The following NUAK1 variants were observed in gnomAD, a reference collection of about 807,000 sequenced individuals.
NUAK1 encodes NUAK family kinase 1.
A neutral mutation model predicts 56.9 loss-of-function variants in NUAK1; 26 were observed. That is an observed-to-expected ratio of 0.46 (90% CI 0.33 to 0.63). NUAK1 has a LOEUF of 0.63. Ranked by LOEUF, NUAK1 falls within the 30% of genes least tolerant of loss-of-function variation. The probability of loss-of-function intolerance (pLI) is 0.02; values close to 1 mark genes in which losing one functional copy is unlikely to be tolerated. For missense variants in NUAK1, 727 were observed against 876.1 expected (o/e 0.83, Z 2.15); for synonymous variants, 337 against 336.0 (o/e 1.00, Z -0.03).
intron 1 of NUAK1, among the ~76,000 whole-genome samples, chr12:106,129,280 T>C (rs2033054311): frequency 6.6e-6 from 1 of 152,242 alleles, no homozygotes; most frequent in Non-Finnish European, 1.5e-5. Flanking sequence ...GGGCCTTCCC[T>C]GCTGACTCCC....
At chr12:106,118,783 T>C (rs551550603) in intron 1 of NUAK1, among the ~76,000 whole-genome samples, 59 of 152,310 alleles carry the variant, frequency 3.9e-4, no homozygotes, top group African/African-American at 1.4e-3. Context: ...TCCCAAAAAC[T>C]CTTACATTTG....
intron 2 of NUAK1, among the ~76,000 whole-genome samples, chr12:106,102,811 T>G (rs2032762079): frequency 6.6e-6 from 1 of 152,200 alleles, no homozygotes; most frequent in African/African-American, 2.4e-5. Flanking sequence ...TAGGTCACAG[T>G]GGAGGACTGG....
intron 4 of NUAK1, among the ~76,000 whole-genome samples, chr12:106,082,260 T>A: frequency 6.6e-6 from 1 of 152,288 alleles, no homozygotes; most frequent in South Asian, 2.1e-4. Flanking sequence ...ATGAGGAAAC[T>A]AAAGCCTAAA....
chr12:106,129,829 T>A (rs1402328159), intron 1 of NUAK1, among the ~76,000 whole-genome samples: 3 of 152,192 alleles, frequency 2.0e-5, no homozygotes, highest in African/African-American at 7.2e-5. Flanking sequence ...GTAGGATACT[T>A]CATAGCTGCA....
chr12:106,120,055 C>T (rs1282945978), intron 1 of NUAK1, among the ~76,000 whole-genome samples: 1 of 152,176 alleles, frequency 6.6e-6, no homozygotes, highest in African/African-American at 2.4e-5. Context: ...GATTAACCAG[C>T]GTTCTCCATT....
rs545239932 is a variant in NUAK1, at chr12:106,138,896, G to A, written c.-243C>T. The A allele has an allele frequency of 2.7e-5, 11 of 414,574 alleles. No individual in the cohort carries two copies. The South Asian group carries it at 8.8e-4, about 33-fold the overall frequency. 25.7% of individuals were successfully genotyped at this position (414,574 alleles called of 1,614,324 possible). The stretch of plus-strand genomic sequence containing the variant: ...GCCGCGGCGAGCTGTGGAGCGTCGG[G>A]CGAGGTGGCGGCGGTGGCAGGGGAG... On this transcript the variant is annotated 5_prime_UTR_variant, in exon 1 of 7. Transcript: ENST00000261402. The surrounding 1 kb of genome is among the most constrained non-coding windows in gnomAD (Gnocchi z 5.0).
At chr12:106,086,088 C>T (rs2032568011) in intron 3 of NUAK1, among the ~76,000 whole-genome samples, 1 of 152,102 alleles carries the variant, frequency 6.6e-6, no homozygotes, top group Non-Finnish European at 1.5e-5. Context: ...AACATTTCTC[C>T]TAGTAATTCT....
In NUAK1 at chr12:106,065,483, C is replaced by CA. The variant is rs1160413040; in HGVS notation, c.*1318dup. The stretch of plus-strand genomic sequence containing the variant: ...AAATGAATGGAACTTTCTCTTCCCC[C>CA]AAAGCCCAGGAGTTCATGGCAAAGT... On this transcript the variant is annotated 3_prime_UTR_variant, in exon 7 of 7. Coordinates refer to ENST00000261402, the MANE Select transcript of NUAK1 (RefSeq NM_014840.3). 6.6e-6 allele frequency: 1 copy of CA among 152,132 alleles called. No homozygotes were observed. Among genetic ancestry groups the CA allele is most frequent in the East Asian group, 1.9e-4 (1 of 5,190 alleles). 9.4% of individuals were successfully genotyped at this position (152,132 alleles called of 1,614,324 possible).
chr12:106,113,196 G>A lies in NUAK1; in HGVS notation c.241-6671C>T, dbSNP rs116311525. 2.8e-3 allele frequency among the ~76,000 whole-genome samples: 424 copies of A among 152,212 alleles called. 2 individuals are homozygous for A. The highest frequency in any genetic ancestry group is 9.8e-3 in the African/African-American group (405 of 41,520). ...CAAGTGGTGATGCCACAAGGGAAGT[G>A]GAATTAATGACTAAGAAACCGTGGG... On this transcript the variant is annotated intron_variant, in intron 1 of 6. Transcript: ENST00000261402.
At chr12:106,097,426 T>C (rs1016677376) in intron 2 of NUAK1, among the ~76,000 whole-genome samples, 5 of 152,240 alleles carry the variant, frequency 3.3e-5, no homozygotes, top group Non-Finnish European at 5.9e-5. Context: ...ACATGAATGA[T>C]TCAATGACTA....
chr12:106,130,106 C>T (rs931115447), intron 1 of NUAK1, among the ~76,000 whole-genome samples: 9 of 152,122 alleles, frequency 5.9e-5, no homozygotes, highest in African/African-American at 2.2e-4. Context: ...CTCAGCCTCC[C>T]GAGTAGCTGG....
At chr12:106,081,601 C>T (rs569347108) in intron 4 of NUAK1, among the ~76,000 whole-genome samples, 1 of 152,200 alleles carries the variant, frequency 6.6e-6, no homozygotes, top group Non-Finnish European at 1.5e-5. Context: ...AACATCATTG[C>T]CCTTTTGCTT....
intron 1 of NUAK1, among the ~76,000 whole-genome samples, chr12:106,107,884 TTTCTCCTTTGCAGTCC>T (rs1166966754): frequency 6.6e-6 from 1 of 152,234 alleles, no homozygotes; most frequent in African/African-American, 2.4e-5. Flanking sequence ...GCTCCTGGGA[TTTCTCCTTTGCAGTCC>T]TTACCCCAGT....
At chr12:106,084,165 T>C in intron 3 of NUAK1, 3 of 544,326 alleles carry the variant, frequency 5.5e-6, no homozygotes, top group Non-Finnish European at 9.9e-6. Context: ...AAGGGAAAAA[T>C]GACTGGAATC....
chr12:106,083,999 G>A (rs1296930467), intron 3 of NUAK1, 70 bp from the exon 4 acceptor site: 2 of 1,293,568 alleles, frequency 1.5e-6, no homozygotes, highest in East Asian at 4.6e-5. Context: ...AAAGAGGAAG[G>A]AGGAGGGTGA....
At chr12:106,077,006 T>C (rs2032470783) in intron 4 of NUAK1, among the ~76,000 whole-genome samples, 1 of 152,230 alleles carries the variant, frequency 6.6e-6, no homozygotes, top group Admixed American at 6.5e-5. Context: ...TGATGTTACA[T>C]ATATTTTACC....
chr12:106,088,957 G>A (rs1394929904), intron 2 of NUAK1, among the ~76,000 whole-genome samples: 2 of 152,192 alleles, frequency 1.3e-5, no homozygotes, highest in African/African-American at 4.8e-5. Flanking sequence ...GGAGGGTAGG[G>A]AGGAGGAGGA....
At position 106,067,222 on chromosome 12, in the gene NUAK1, C is replaced by T; in HGVS notation, c.1566G>A (p.Lys522=). ...ATTTGCTGCTGTGTTTCAAGATGCC[C>T]TTCCTCCGGCAGGAGAGGCTGTGGG... ...VTSHSLSCRR[K]GILKHSSKYS... is the part of the protein sequence containing the mutation. Residue 522 remains lysine, a synonymous_variant, in exon 7 of 7, where the codon AAG becomes AAA. Coordinates refer to ENST00000261402, the MANE Select transcript of NUAK1 (RefSeq NM_014840.3). This position sits in a 1 kb window ranked among gnomAD's most constrained non-coding sequence, Gnocchi z 6.0. 1 of 1,614,080 alleles carries T rather than the reference C, an allele frequency of 6.2e-7. No homozygotes were observed. The highest frequency in any genetic ancestry group is 8.5e-7 in the Non-Finnish European group (1 of 1,180,000).
intron 6 of NUAK1, among the ~76,000 whole-genome samples, chr12:106,069,626 T>C (rs964467999): frequency 6.6e-6 from 1 of 152,172 alleles, no homozygotes; most frequent in Non-Finnish European, 1.5e-5. Context: ...AGGTTATATA[T>C]CAATCAGTTA....
Sources: gnomAD v4.1 joint callset for allele counts (sites outside exome capture counted in the v4.1 genomes callset) on GRCh38, gnomAD v4.1.1 for gene constraint, Gnocchi (gnomAD v3.1) non-coding constraint, MANE v1.5 for transcripts, NCBI Gene and HGNC (gene_info 2026-07-23, HGNC 2026-07-21) for gene names.